The following ABCC5 variants were observed in gnomAD, a reference collection of about 807,000 sequenced individuals.
ABCC5 encodes ATP-binding cassette sub-family C member 5.
A neutral mutation model predicts 160.9 loss-of-function variants in ABCC5; 61 were observed. That is an observed-to-expected ratio of 0.38 (90% CI 0.31 to 0.47). The LOEUF (loss-of-function observed/expected upper bound fraction) is 0.47. Ranked by LOEUF, ABCC5 falls within the 20% of genes least tolerant of loss-of-function variation. The pLI is 0.99. For missense variants in ABCC5, 1,308 were observed against 1,813.3 expected (o/e 0.72, Z 5.06); for synonymous variants, 666 against 700.6 (o/e 0.95, Z 0.78).
chr3:183,987,616 C>CA lies in ABCC5; in HGVS notation c.591+153dup. Reference sequence around the variant, plus strand: ...GCCCTTTCATCCTTCCAGCTGTTGCCAAAATCCATCGACCCCTTTCAACAG... The same window carrying CA: ...GCCCTTTCATCCTTCCAGCTGTTGCCAAAAATCCATCGACCCCTTTCAACAG... On this transcript the variant is annotated intron_variant, in intron 5 of 29. Transcript: ENST00000334444. The surrounding 1 kb of genome is among the most constrained non-coding windows in gnomAD (Gnocchi z 4.2). 1 of 1,041,412 alleles carries CA rather than the reference C, an allele frequency of 9.6e-7. No individual in the cohort carries two copies. Among genetic ancestry groups the CA allele is most frequent in the African/African-American group, 1.6e-5 (1 of 63,412 alleles). 64.5% of individuals were successfully genotyped at this position (1,041,412 alleles called of 1,614,324 possible).
chr3:184,004,407 G>A (rs953111614), intron 2 of ABCC5, among the ~76,000 whole-genome samples: 1 of 148,072 alleles, frequency 6.8e-6, no homozygotes, highest in Non-Finnish European at 1.5e-5. Context: ...GTACTTGGGA[G>A]ACTGAGGGCA....
intron 15 of ABCC5, among the ~76,000 whole-genome samples, chr3:183,962,769 GC>G (rs1716889155): frequency 1.3e-5 from 2 of 151,998 alleles, no homozygotes; most frequent in Admixed American, 1.3e-4. Flanking sequence ...TGATCCGCCA[GC>G]CTCAGCCTCC....
At chr3:183,937,703 C>T (rs1378896419) in intron 26 of ABCC5, among the ~76,000 whole-genome samples, 198 bp downstream of exon 26, 1 of 152,164 alleles carries the variant, frequency 6.6e-6, no homozygotes, top group Non-Finnish European at 1.5e-5. Context: ...CTCCCTGCAC[C>T]CTTCAGTCAA....
Position 183,949,849 on chromosome 3 carries a change from T to C in ABCC5, c.3131A>G (p.Asn1044Ser). The part of the protein sequence containing the change: ...VLIRELKRLD[N>S]ITQSPFLSHI... ...GGAGAGGAAAGGTGACTGCGTGATATTGTCCAGACGCTTCAGCTCCCGAAT... is the reference window on the plus strand; with the variant it reads ...GGAGAGGAAAGGTGACTGCGTGATACTGTCCAGACGCTTCAGCTCCCGAAT... The change falls in exon 22 of 30, where the codon AAT (asparagine) becomes AGT (serine). Residue 1044 changes from asparagine (N) to serine (S), a missense_variant. Asn to Ser is a conservative substitution (Grantham distance 46). This residue lies in a region of ABCC5 where 1,142 missense variants were observed against 1,527.1 expected (regional missense o/e 0.75). Coordinates refer to ENST00000334444, the MANE Select transcript of ABCC5 (RefSeq NM_005688.4). The surrounding 1 kb of genome is among the most constrained non-coding windows in gnomAD (Gnocchi z 4.2). The C allele has an allele frequency of 6.2e-7, 1 of 1,614,208 alleles. No individual in the cohort carries two copies. Among genetic ancestry groups the C allele is most frequent in the African/African-American group, 1.3e-5 (1 of 75,062 alleles).
At chr3:183,934,809 A>C (rs573820509) in intron 26 of ABCC5, among the ~76,000 whole-genome samples, 2 of 148,716 alleles carry the variant, frequency 1.3e-5, no homozygotes, top group East Asian at 4.1e-4. Context: ...AAGCCACCGC[A>C]CCTGGCCTCA....
At position 183,982,672 on chromosome 3, in the gene ABCC5, AT is replaced by A. The variant is rs747979608; in HGVS notation, c.826-49del. The A allele has an allele frequency of 2.5e-6, 4 of 1,609,502 alleles. No homozygotes were observed. The highest frequency in any genetic ancestry group is 3.4e-6 in the Non-Finnish European group (4 of 1,176,370). On this transcript the variant is annotated intron_variant, in intron 6 of 29. Transcript: ENST00000334444. This position sits in a 1 kb window ranked among gnomAD's most constrained non-coding sequence, Gnocchi z 5.2. The stretch of plus-strand genomic sequence containing the variant: ...AGGGGACCCTGCAAGGACACGGTTC[AT>A]TTGTCTCAGGAGGAAGATAAAGGAT...
rs1721917020 is a variant in ABCC5 at position 184,013,385 on chromosome 3, C to T, written c.129+879G>A. ...ATTCTCCTGCCTCCCTCCTGAGTAG[C>T]TGGGAGTACAGGTGCCCACCACCAC... On this transcript the variant is annotated intron_variant, in intron 2 of 29. Coordinates refer to ENST00000334444, the MANE Select transcript of ABCC5 (RefSeq NM_005688.4). Among the ~76,000 whole-genome samples the T allele has an allele frequency of 2.0e-5, 3 of 152,194 alleles. No individual in the cohort carries two copies. The South Asian group carries it at 6.2e-4, about 32-fold the overall frequency.
chr3:183,976,222 TTC>T (rs1288476114), intron 10 of ABCC5, among the ~76,000 whole-genome samples: 4 of 151,990 alleles, frequency 2.6e-5, no homozygotes, highest in African/African-American at 9.7e-5. Flanking sequence ...TTTTTCTTTC[TTC>T]TCTTTTTGTA....
chr3:183,941,858 C>T (rs1485401782), intron 25 of ABCC5, among the ~76,000 whole-genome samples: 2 of 151,732 alleles, frequency 1.3e-5, no homozygotes, highest in African/African-American at 4.8e-5. Context: ...CCTGTAGTCC[C>T]AGCTACGTGA....
rs767565892 is a variant in ABCC5 at position 183,963,354 on chromosome 3, G to A, written c.2235+31C>T. ...CCCTGTTTCTGATTTCCCAAACTCA[G>A]GCAGGCAGCCGAGGGAAGAAAGAAC... On this transcript the variant is annotated intron_variant, in intron 15 of 29. Transcript: ENST00000334444. The surrounding 1 kb of genome is among the most constrained non-coding windows in gnomAD (Gnocchi z 4.6). The A allele has an allele frequency of 6.2e-7, 1 of 1,611,596 alleles. No homozygotes were observed.
Position 183,977,513 on chromosome 3 carries a change from T to A in ABCC5, c.1404+4A>T, listed in dbSNP as rs1304563321. 6.2e-7 allele frequency: 1 copy of A among 1,608,426 alleles called. No individual in the cohort carries two copies. The highest frequency in any genetic ancestry group is 8.5e-7 in the Non-Finnish European group (1 of 1,175,048). ...ACACGGGGGCAGGGGAAGGAGCCAC[T>A]TACCTTAAATCTGTCAACAGCCACT... On this transcript the variant is annotated splice_donor_region_variant and intron_variant, in intron 10 of 29. Coordinates refer to ENST00000334444, the MANE Select transcript of ABCC5 (RefSeq NM_005688.4).
intron 2 of ABCC5, among the ~76,000 whole-genome samples, chr3:183,996,478 T>A (rs1576922163): frequency 6.6e-6 from 1 of 152,344 alleles, no homozygotes; most frequent in East Asian, 1.9e-4. Flanking sequence ...TATAACTATG[T>A]CATGTTTCAC....
At chr3:183,971,336 C>T (rs972865978) in intron 11 of ABCC5, among the ~76,000 whole-genome samples, 1 of 152,152 alleles carries the variant, frequency 6.6e-6, no homozygotes, top group African/African-American at 2.4e-5. Context: ...TGTTTCATTT[C>T]CTTGCTTATA....
rs1406474549 is a variant in ABCC5 at position 183,949,211 on chromosome 3, A to G, written c.3227+542T>C. ...TTCAACCTGTCCTATATTGAAGAAC[A>G]TTTTAGTTCCAATCTCTTATTAATA... On this transcript the variant is annotated intron_variant, in intron 22 of 29. Coordinates refer to ENST00000334444, the MANE Select transcript of ABCC5 (RefSeq NM_005688.4). The surrounding 1 kb of genome is among the most constrained non-coding windows in gnomAD (Gnocchi z 4.2). Among the ~76,000 whole-genome samples the G allele has an allele frequency of 1.3e-5, 2 of 152,214 alleles. No individual in the cohort carries two copies. Among genetic ancestry groups the G allele is most frequent in the Non-Finnish European group, 2.9e-5 (2 of 68,046 alleles).
chr3:183,948,711 AT>A (rs971364783), intron 22 of ABCC5, among the ~76,000 whole-genome samples: 1 of 150,662 alleles, frequency 6.6e-6, no homozygotes, highest in African/African-American at 2.4e-5. Context: ...TTTTATTTTT[AT>A]TTTTTTTGAG....
At chr3:183,956,654 A>G (rs2036387430) in intron 17 of ABCC5, among the ~76,000 whole-genome samples, 1 of 139,846 alleles carries the variant, frequency 7.2e-6, no homozygotes, top group Non-Finnish European at 1.5e-5. Flanking sequence ...CATCGGTTAC[A>G]TGCAGATCCG....
At chr3:184,000,419 T>C (rs1246906035) in intron 2 of ABCC5, among the ~76,000 whole-genome samples, 1 of 152,140 alleles carries the variant, frequency 6.6e-6, no homozygotes, top group East Asian at 1.9e-4. Context: ...GTAGTGGACT[T>C]GTACTGAAAA....
intron 2 of ABCC5, among the ~76,000 whole-genome samples, chr3:183,996,266 G>T (rs1040022764): frequency 6.6e-6 from 1 of 152,042 alleles, no homozygotes; most frequent in Non-Finnish European, 1.5e-5. Context: ...ATAACTTACC[G>T]AGTGCCTCCG....
intron 1 of ABCC5, among the ~76,000 whole-genome samples, chr3:184,015,046 C>G (rs1050191766): frequency 6.6e-6 from 1 of 152,028 alleles, no homozygotes; most frequent in East Asian, 1.9e-4. Context: ...TGAAAATGTT[C>G]TAAAACTAGA....
Sources: allele counts gnomAD v4.1 joint callset (sites outside exome capture counted in the v4.1 genomes callset), GRCh38; gene constraint gnomAD v4.1.1; regional missense constraint gnomAD v4.1.1; non-coding constraint Gnocchi (gnomAD v3.1); transcripts MANE v1.5; gene names NCBI Gene and HGNC (gene_info 2026-07-23, HGNC 2026-07-21).